Variants in RXRA observed in about 807,000 individuals in gnomAD.
RXRA encodes the protein retinoic acid receptor RXR-alpha.
In RXRA, 5 loss-of-function variants were observed where a neutral mutation model predicts 44.5. The observed-to-expected ratio is 0.11, with a 90% CI of 0.06 to 0.24. The LOEUF is 0.24. RXRA is among the 10% of genes least tolerant of loss of function. The probability of loss-of-function intolerance (pLI) is 1.00; values close to 1 mark genes in which losing one functional copy is unlikely to be tolerated. For missense variants in RXRA, 412 were observed against 646.5 expected (o/e 0.64, Z 3.93); for synonymous variants, 291 against 271.4 (o/e 1.07, Z -0.71).
chr9:134,429,846 C>A (rs1042951896), intron 7 of RXRA, among the ~76,000 whole-genome samples: 4 of 152,072 alleles, frequency 2.6e-5, no homozygotes, highest in African/African-American at 4.8e-5. Flanking sequence ...CTCCGCTCTG[C>A]CAGGCGAGGC....
intron 3 of RXRA, 113 bp downstream of exon 3, chr9:134,408,412 G>T: frequency 1.7e-6 from 2 of 1,171,782 alleles, no homozygotes; most frequent in East Asian, 2.8e-5. Context: ...CCAAGGCCAG[G>T]GTGCAGGGAG....
rs1330078440 is a variant in RXRA at position 134,438,352 on chromosome 9, T to C, written c.*1738T>C. ...TGGTGGGGAAGAAAGTGTCCATTCT[T>C]TGCCTTCCTGGAGCTCCCAGCCAGA... On this transcript the variant is annotated 3_prime_UTR_variant, in exon 10 of 10. Coordinates refer to ENST00000481739, the MANE Select transcript of RXRA (RefSeq NM_002957.6). The C allele has an allele frequency of 1.3e-5, 2 of 152,278 alleles. No individual in the cohort carries two copies. Among genetic ancestry groups the C allele is most frequent in the Non-Finnish European group, 2.9e-5 (2 of 68,086 alleles). The allele number at this position is 152,278 out of a possible 1,614,324, so 9.4% of individuals were successfully genotyped here.
rs1830192586 is a variant in RXRA, at chr9:134,349,305, G to C, written c.28+22646G>C. 6.6e-6 allele frequency among the ~76,000 whole-genome samples: 1 copy of C among 152,204 alleles called. No homozygotes were observed. Among genetic ancestry groups the C allele is most frequent in the African/African-American group, 2.4e-5 (1 of 41,456 alleles). On this transcript the variant is annotated intron_variant, in intron 1 of 9. Coordinates refer to ENST00000481739, the MANE Select transcript of RXRA (RefSeq NM_002957.6). This position sits in a 1 kb window ranked among gnomAD's most constrained non-coding sequence, Gnocchi z 4.3. ...ACCCCTGTTCTGCACCTGGACAGCC[G>C]GGTGTCATTGGTGGGCCTGTTGGGC...
chr9:134,385,146 T>A (rs935978358), intron 1 of RXRA, among the ~76,000 whole-genome samples: 12 of 152,192 alleles, frequency 7.9e-5, no homozygotes, highest in Non-Finnish European at 1.3e-4. Flanking sequence ...TGGACAGAGC[T>A]GGTTGGCTCT....
chr9:134,396,647 C>T (rs566885069), intron 1 of RXRA, among the ~76,000 whole-genome samples: 1 of 152,236 alleles, frequency 6.6e-6, no homozygotes, highest in South Asian at 2.1e-4. Flanking sequence ...GAGCTCCTCC[C>T]TCCTCCCGGG....
In RXRA at chr9:134,426,220, T is replaced by C. The variant is rs1831432320; in HGVS notation, c.911-2888T>C. ...CTCTGCATCACTGAGGTCCTCCTTC[T>C]GAAAGGCCAGCGCACCCTGAGCCGT... is the stretch of plus-strand genomic sequence containing the variant. On this transcript the variant is annotated intron_variant, in intron 6 of 9. Transcript: ENST00000481739. The surrounding 1 kb of genome is among the most constrained non-coding windows in gnomAD (Gnocchi z 4.6). 1.0e-6 allele frequency: 1 copy of C among 985,412 alleles called. No individual in the cohort carries two copies. Among genetic ancestry groups the C allele is most frequent in the East Asian group, 1.1e-4 (1 of 8,820 alleles). The allele number at this position is 985,412 out of a possible 1,614,324, so 61.0% of individuals were successfully genotyped here.
intron 1 of RXRA, 81 bp downstream of exon 1, chr9:134,326,740 G>GGC (rs1364277837): frequency 1.2e-5 from 3 of 260,130 alleles, no homozygotes; most frequent in Admixed American, 6.8e-5. Context: ...GCGCGTTGGC[G>GGC]GCGCGCGCGG....
chr9:134,427,256 C>T (rs1178008877), intron 6 of RXRA: 1 of 737,770 alleles, frequency 1.4e-6, no homozygotes, highest in Non-Finnish European at 1.7e-6. Flanking sequence ...TCGGCTGAGC[C>T]CTGGGATGCC....
At chr9:134,402,085 T>C (rs1165725292) in intron 2 of RXRA, 2 of 567,656 alleles carry the variant, frequency 3.5e-6, no homozygotes, top group Non-Finnish European at 6.2e-6. Context: ...AGCCTGGGCC[T>C]TTGGATCATC....
In RXRA at chr9:134,327,765, C is replaced by T. The variant is rs1254825748; in HGVS notation, c.28+1106C>T. On this transcript the variant is annotated intron_variant, in intron 1 of 9. Transcript: ENST00000481739. ...AAGGGGAGCCAGCATGGACCTAGCC[C>T]CTCCTGGATGTGAGGGTGAGAGTCT... is the stretch of plus-strand genomic sequence containing the variant. Among the ~76,000 whole-genome samples the T allele has an allele frequency of 5.9e-5, 9 of 152,150 alleles. 1 individual carries two copies. Among genetic ancestry groups the T allele is most frequent in the Admixed American group, 5.9e-4 (9 of 15,276 alleles).
At chr9:134,374,984 G>A (rs997910026) in intron 1 of RXRA, among the ~76,000 whole-genome samples, 1 of 152,196 alleles carries the variant, frequency 6.6e-6, no homozygotes, top group African/African-American at 2.4e-5. Context: ...CTCTATCCTC[G>A]GTAGCCCTCA....
chr9:134,393,251 G>A (rs1003796924), intron 1 of RXRA, among the ~76,000 whole-genome samples: 1 of 152,182 alleles, frequency 6.6e-6, no homozygotes, highest in African/African-American at 2.4e-5. Context: ...GTGGTGAAGG[G>A]GGCATGACAC....
Position 134,407,579 on chromosome 9 carries a change from CA to C in RXRA, c.280-569del, listed in dbSNP as rs1447146021. 6.6e-6 allele frequency among the ~76,000 whole-genome samples: 1 copy of C among 152,032 alleles called. No individual in the cohort carries two copies. The highest frequency in any genetic ancestry group is 2.4e-5 in the African/African-American group (1 of 41,404). ...TGCAGAGAGGCCAGTGGTGTCGTGCCACCCGATGCCCGGGGGTGTCCACTCC... is the reference window on the plus strand; with the variant it reads ...TGCAGAGAGGCCAGTGGTGTCGTGCCCCCGATGCCCGGGGGTGTCCACTCC... On this transcript the variant is annotated intron_variant, in intron 2 of 9. Coordinates refer to ENST00000481739, the MANE Select transcript of RXRA (RefSeq NM_002957.6). This position sits in a 1 kb window ranked among gnomAD's most constrained non-coding sequence, Gnocchi z 4.8.
chr9:134,434,087 G>T lies in RXRA; in HGVS notation c.1136-15G>T, dbSNP rs776522092. ...CCCCAGCTGAGGGTTCTGACCTGTGGCTTCTTCCTTTCAGACTCCAAGGGG... is the reference window on the plus strand; with the variant it reads ...CCCCAGCTGAGGGTTCTGACCTGTGTCTTCTTCCTTTCAGACTCCAAGGGG... On this transcript the variant is annotated splice_polypyrimidine_tract_variant and intron_variant, in intron 8 of 9. Coordinates refer to ENST00000481739, the MANE Select transcript of RXRA (RefSeq NM_002957.6). The T allele has an allele frequency of 6.2e-7, 1 of 1,606,692 alleles. No individual in the cohort carries two copies. Among genetic ancestry groups the T allele is most frequent in the Non-Finnish European group, 8.5e-7 (1 of 1,174,216 alleles).
intron 1 of RXRA, among the ~76,000 whole-genome samples, chr9:134,345,001 CT>C (rs1395664949): frequency 6.6e-6 from 1 of 152,170 alleles, no homozygotes; most frequent in East Asian, 1.9e-4. Flanking sequence ...TCCTGCACCC[CT>C]GGGCCGTGTG....
At chr9:134,336,139 C>T (rs2119017105) in intron 1 of RXRA, among the ~76,000 whole-genome samples, 1 of 152,270 alleles carries the variant, frequency 6.6e-6, no homozygotes, top group South Asian at 2.1e-4. Flanking sequence ...TCACTCTGGG[C>T]ACAGACAGTG....
chr9:134,410,849 C>T (rs894187973), intron 4 of RXRA, among the ~76,000 whole-genome samples: 1 of 152,200 alleles, frequency 6.6e-6, no homozygotes, highest in Non-Finnish European at 1.5e-5. Flanking sequence ...CAGATGAGAG[C>T]GCTGTGCATG....
chr9:134,327,703 A>G (rs1050203179), intron 1 of RXRA, among the ~76,000 whole-genome samples: 1 of 152,040 alleles, frequency 6.6e-6, no homozygotes, highest in Non-Finnish European at 1.5e-5. Context: ...CTCAGAAGCC[A>G]ATGTAGCTGC....
At chr9:134,382,479 G>T (rs1277177647) in intron 1 of RXRA, among the ~76,000 whole-genome samples, 1 of 152,186 alleles carries the variant, frequency 6.6e-6, no homozygotes, top group South Asian at 2.1e-4. Flanking sequence ...AGCCGGTCCT[G>T]CGAGAAAGCC....
Sources: allele counts gnomAD v4.1 joint callset (sites outside exome capture counted in the v4.1 genomes callset), GRCh38; gene constraint gnomAD v4.1.1; non-coding constraint Gnocchi (gnomAD v3.1); transcripts MANE v1.5; gene names NCBI Gene and HGNC (gene_info 2026-07-23, HGNC 2026-07-21).